TTC29: variants seen among roughly 807,000 people sequenced by gnomAD.
TTC29 encodes tetratricopeptide repeat protein 29.
In TTC29, 49 loss-of-function variants were observed where a neutral mutation model predicts 58.1. The ratio of observed to expected loss-of-function variants is 0.84; its 90% CI spans 0.67 to 1.07. The LOEUF is 1.07. TTC29 is among the 50% of genes least tolerant of loss of function. The probability of loss-of-function intolerance (pLI) is 0.00; values close to 1 mark genes in which losing one functional copy is unlikely to be tolerated. For synonymous variants in TTC29, 209 were observed against 196.8 expected (o/e 1.06, Z -0.52); for missense variants, 582 against 555.6 (o/e 1.05, Z -0.48).
chr4:146,941,496 T>C (rs992866755), intron 2 of TTC29, among the ~76,000 whole-genome samples: 1 of 152,144 alleles, frequency 6.6e-6, no homozygotes, highest in Non-Finnish European at 1.5e-5. Context: ...AGAAAGACAC[T>C]AAACAAATAA....
At chr4:146,890,663 C>G (rs1168765582) in intron 6 of TTC29, among the ~76,000 whole-genome samples, 1 of 152,176 alleles carries the variant, frequency 6.6e-6, no homozygotes, top group African/African-American at 2.4e-5. Flanking sequence ...AATCTGGCTT[C>G]TATGATTGGG....
At position 146,878,692 on chromosome 4, in the gene TTC29, G is replaced by T. The variant is rs114718201; in HGVS notation, c.587-3764C>A. Among the ~76,000 whole-genome samples the T allele has an allele frequency of 8.7e-3, 1,322 of 152,216 alleles. 17 individuals carry two copies. Among genetic ancestry groups the T allele is most frequent in the African/African-American group, 0.031 (1,271 of 41,542 alleles). On this transcript the variant is annotated intron_variant, in intron 6 of 12. Transcript: ENST00000325106. ...ATGAATCTCTTGTGTTAAAAATAAT[G>T]ATCAAATTTGCATGATTCCTAGTCT...
chr4:146,895,612 A>C (rs1199278693), intron 6 of TTC29, among the ~76,000 whole-genome samples: 6 of 152,154 alleles, frequency 3.9e-5, no homozygotes, highest in African/African-American at 1.4e-4. Flanking sequence ...GAGAGCCTGA[A>C]CTTGCCCAGT....
At chr4:146,810,783 GGT>G (rs1294919248) in intron 10 of TTC29, among the ~76,000 whole-genome samples, 1 of 151,700 alleles carries the variant, frequency 6.6e-6, no homozygotes, top group African/African-American at 2.4e-5. Context: ...GTAGAGACAG[GGT>G]TTTATCATGT....
chr4:146,783,137 G>A (rs1326139249), intron 11 of TTC29, among the ~76,000 whole-genome samples: 1 of 151,906 alleles, frequency 6.6e-6, no homozygotes, highest in East Asian at 1.9e-4. Flanking sequence ...TATTTATGGT[G>A]TACAACATGA....
chr4:146,850,173 C>T (rs1171388307), intron 8 of TTC29, among the ~76,000 whole-genome samples: 2 of 152,172 alleles, frequency 1.3e-5, no homozygotes, highest in East Asian at 3.9e-4. Flanking sequence ...GTATGTGCTC[C>T]AAAACTATGT....
At chr4:146,937,379 T>C (rs1263369933) in intron 4 of TTC29, among the ~76,000 whole-genome samples, 1 of 152,038 alleles carries the variant, frequency 6.6e-6, no homozygotes, top group African/African-American at 2.4e-5. Context: ...TATAATATCT[T>C]GGTAAATATG....
intron 11 of TTC29, among the ~76,000 whole-genome samples, chr4:146,756,270 C>CA (rs146497942): frequency 0.027 from 2,895 of 107,466 alleles, 45 homozygotes; most frequent in Non-Finnish European, 0.032. Flanking sequence ...GACTCTGTCT[C>CA]AAAAAAAAAA....
At chr4:146,932,297 T>G (rs1387382213) in intron 4 of TTC29, among the ~76,000 whole-genome samples, 3 of 152,226 alleles carry the variant, frequency 2.0e-5, no homozygotes, top group Non-Finnish European at 2.9e-5. Context: ...CTGTCTCATC[T>G]GGAGATTAGT....
chr4:146,781,168 G>A (rs1349768791), intron 11 of TTC29, among the ~76,000 whole-genome samples: 1 of 151,904 alleles, frequency 6.6e-6, no homozygotes. Flanking sequence ...ACACCTGTCA[G>A]TATAGTGTCT....
At chr4:146,917,704 TTA>T (rs1279040348) in intron 4 of TTC29, among the ~76,000 whole-genome samples, 1 of 145,712 alleles carries the variant, frequency 6.9e-6, no homozygotes, top group Non-Finnish European at 1.5e-5. Context: ...TTATATTAAA[TTA>T]TATGATACAC....
intron 6 of TTC29, among the ~76,000 whole-genome samples, chr4:146,881,510 T>G (rs968361863): frequency 6.6e-6 from 1 of 152,150 alleles, no homozygotes; most frequent in Non-Finnish European, 1.5e-5. Context: ...AAATTACTAT[T>G]CTGTACAACA....
At chr4:146,773,550 C>T (rs1380888037) in intron 11 of TTC29, among the ~76,000 whole-genome samples, 1 of 152,136 alleles carries the variant, frequency 6.6e-6, no homozygotes, top group Admixed American at 6.5e-5. Flanking sequence ...ACCAATCTTG[C>T]ATACCAGAGC....
intron 8 of TTC29, among the ~76,000 whole-genome samples, chr4:146,858,130 A>G (rs1729990302): frequency 6.6e-6 from 1 of 152,238 alleles, no homozygotes; most frequent in African/African-American, 2.4e-5. Flanking sequence ...TTATAATTTA[A>G]AGTGTAAACA....
chr4:146,906,234 C>T (rs946086853), intron 5 of TTC29, among the ~76,000 whole-genome samples: 16 of 152,012 alleles, frequency 1.1e-4, no homozygotes, highest in African/African-American at 3.4e-4. Flanking sequence ...AAATGATTGG[C>T]TTACTTTAAA....
intron 4 of TTC29, among the ~76,000 whole-genome samples, chr4:146,930,093 A>ATATATATC (rs1398606940): frequency 2.0e-5 from 2 of 100,282 alleles, no homozygotes; most frequent in Admixed American, 9.6e-5. Flanking sequence ...GCATATATAT[A>ATATATATC]TATATATATA....
At chr4:146,906,783 AT>A (rs1046972619) in intron 5 of TTC29, among the ~76,000 whole-genome samples, 4 of 152,246 alleles carry the variant, frequency 2.6e-5, no homozygotes, top group Non-Finnish European at 5.9e-5. Context: ...AAGCCACTGC[AT>A]TTTGTGGGAG....
intron 8 of TTC29, among the ~76,000 whole-genome samples, chr4:146,843,252 C>A (rs996581943): frequency 6.6e-6 from 1 of 152,140 alleles, no homozygotes; most frequent in African/African-American, 2.4e-5. Flanking sequence ...AACACTAATT[C>A]TTTTCTACAA....
At chr4:146,927,225 T>C (rs1015099717) in intron 4 of TTC29, among the ~76,000 whole-genome samples, 2 of 152,174 alleles carry the variant, frequency 1.3e-5, no homozygotes, top group Non-Finnish European at 2.9e-5. Flanking sequence ...CAATTAATTA[T>C]AACTATTTTA....
Sources: gnomAD v4.1 joint callset for allele counts (sites outside exome capture counted in the v4.1 genomes callset) on GRCh38, gnomAD v4.1.1 for gene constraint, MANE v1.5 for transcripts, NCBI Gene and HGNC (gene_info 2026-07-23, HGNC 2026-07-21) for gene names.